FNDC1: variants seen among roughly 807,000 people sequenced by gnomAD.
FNDC1 encodes fibronectin type III domain containing 1, also known as fibronectin type III domain-containing protein 1.
A neutral mutation model predicts 168.0 loss-of-function variants in FNDC1; 96 were observed. That is an observed-to-expected ratio of 0.57 (90% CI 0.48 to 0.68). The LOEUF (loss-of-function observed/expected upper bound fraction) is 0.68. Ranked by LOEUF, FNDC1 falls within the 30% of genes least tolerant of loss-of-function variation. The pLI, the probability that FNDC1 is intolerant of heterozygous loss-of-function variation, is 0.00. For synonymous variants in FNDC1, 1,099 were observed against 1,025.9 expected, an observed-to-expected ratio of 1.07 and a Z score of -1.36; for missense variants, 2,587 against 2,482.1, an observed-to-expected ratio of 1.04 and a Z score of -0.90.
At chr6:159,223,420 C>G in intron 6 of FNDC1, 108 bp from the exon 7 acceptor site, 1 of 594,730 alleles carries the variant, frequency 1.7e-6, no homozygotes, top group Middle Eastern at 2.7e-4. Flanking sequence ...TACACACAAG[C>G]AATCTAAAAC....
intron 5 of FNDC1, among the ~76,000 whole-genome samples, chr6:159,219,502 G>T (rs1562641883): frequency 6.6e-6 from 1 of 152,078 alleles, no homozygotes; most frequent in Non-Finnish European, 1.5e-5. Flanking sequence ...TGAGAGCCAG[G>T]CTTTGGTGCC....
intron 1 of FNDC1, among the ~76,000 whole-genome samples, chr6:159,182,456 G>A (rs1781900858): frequency 6.6e-6 from 1 of 152,164 alleles, no homozygotes; most frequent in Non-Finnish European, 1.5e-5. Flanking sequence ...AAAATCTCTA[G>A]TAAAAGCGCT....
In FNDC1 at chr6:159,202,629, A is replaced by G. The variant is rs183021261; in HGVS notation, c.460+2048A>G. On this transcript the variant is annotated intron_variant, in intron 4 of 22. Transcript: ENST00000297267. Reference sequence around the variant, plus strand: ...GGAATATCCATTCTTTTAAGCTGCTAGAAACAATGGCTGCAGTTCTGATTC... The same window carrying G: ...GGAATATCCATTCTTTTAAGCTGCTGGAAACAATGGCTGCAGTTCTGATTC... 3.6e-3 allele frequency among the ~76,000 whole-genome samples: 550 copies of G among 152,360 alleles called. 5 individuals carry two copies. Among genetic ancestry groups the G allele is most frequent in the Admixed American group, 0.019 (297 of 15,300 alleles).
intron 1 of FNDC1, among the ~76,000 whole-genome samples, chr6:159,173,418 C>A (rs1297898336): frequency 1.3e-5 from 2 of 152,214 alleles, no homozygotes; most frequent in East Asian, 3.8e-4. Flanking sequence ...CGTGGTGAGA[C>A]CCTCTCTCCT....
intron 1 of FNDC1, among the ~76,000 whole-genome samples, chr6:159,182,592 C>T (rs539888532): frequency 8.5e-5 from 13 of 152,290 alleles, no homozygotes; most frequent in Non-Finnish European, 1.8e-4. Flanking sequence ...TGCCTGATAC[C>T]CTCACTCTTT....
intron 1 of FNDC1, among the ~76,000 whole-genome samples, chr6:159,177,690 G>C (rs1781793368): frequency 6.6e-6 from 1 of 152,170 alleles, no homozygotes; most frequent in South Asian, 2.1e-4. Context: ...AAATCCCCCT[G>C]CAGAGAAGGC....
intron 1 of FNDC1, among the ~76,000 whole-genome samples, chr6:159,182,036 A>G (rs1781890967): frequency 6.6e-6 from 1 of 152,198 alleles, no homozygotes; most frequent in Non-Finnish European, 1.5e-5. Flanking sequence ...TGTTTTGGCT[A>G]ATAATTCTCA....
chr6:159,265,173 A>T (rs996929547), intron 20 of FNDC1, among the ~76,000 whole-genome samples, 169 bp downstream of exon 20: 1 of 152,194 alleles, frequency 6.6e-6, no homozygotes, highest in Non-Finnish European at 1.5e-5. Flanking sequence ...ACTCTGTGGG[A>T]AAGAATGACC....
chr6:159,214,950 G>T lies in FNDC1; in HGVS notation c.466G>T (p.Glu156Ter). ...TGTGTCCTGCCCTCTTTAAGAAAAG[G>T]AAGTGCCCAACAAGCCCTTGCGTGT... is the stretch of plus-strand genomic sequence containing the variant. ...GPFNETVTEKEVPNKPLRVRV... is the reference protein window; with the variant it reads ...GPFNETVTEK The change falls in exon 5 of 23, where the codon GAA (glutamate) becomes TAA (stop). Residue 156 changes from glutamate to a stop codon, truncating the protein, a stop_gained. Coordinates refer to ENST00000297267, the MANE Select transcript of FNDC1 (RefSeq NM_032532.3). LOFTEE classifies it high-confidence loss of function. 6.2e-7 allele frequency: 1 copy of T among 1,613,772 alleles called. No homozygotes were observed. Among genetic ancestry groups the T allele is most frequent in the Non-Finnish European group, 8.5e-7 (1 of 1,179,798 alleles).
rs147207645 is a variant in FNDC1 at position 159,206,855 on chromosome 6, C to T, written c.460+6274C>T. ...CATGGGCTGTGGGGTGGCCTGCCCA[C>T]TACTCCCTCCCAAGGAAGTACTGCC... On this transcript the variant is annotated intron_variant, in intron 4 of 22. Coordinates refer to ENST00000297267, the MANE Select transcript of FNDC1 (RefSeq NM_032532.3). 2.8e-3 allele frequency among the ~76,000 whole-genome samples: 427 copies of T among 152,320 alleles called. 1 individual carries two copies. Among genetic ancestry groups the T allele is most frequent in the Non-Finnish European group, 4.1e-3 (281 of 68,034 alleles).
Position 159,232,281 on chromosome 6 carries a change from C to T in FNDC1, c.1769C>T (p.Ala590Val). ...ACTGCAGTGAGGGCCCGGATGCCAGCGCTGCCCCGAAGGGAAGGCGTAGAT... is the reference window on the plus strand; with the variant it reads ...ACTGCAGTGAGGGCCCGGATGCCAGTGCTGCCCCGAAGGGAAGGCGTAGAT... ...GRTAVRARMPALPRREGVDKP... is the reference protein window; with the variant it reads ...GRTAVRARMPVLPRREGVDKP... The change falls in exon 11 of 23, where the codon GCG (alanine) becomes GTG (valine). Residue 590 changes from alanine (A) to valine (V), a missense_variant. Transcript: ENST00000297267. The surrounding 1 kb of genome is among the most constrained non-coding windows in gnomAD (Gnocchi z 4.9). 1 of 1,610,568 alleles carries T rather than the reference C, an allele frequency of 6.2e-7. No homozygotes were observed. Among genetic ancestry groups the T allele is most frequent in the East Asian group, 2.2e-5 (1 of 44,694 alleles).
intron 11 of FNDC1, 94 bp downstream of exon 11, chr6:159,234,573 A>G (rs1783205145): frequency 8.9e-7 from 1 of 1,127,476 alleles, no homozygotes; most frequent in Non-Finnish European, 1.3e-6. Context: ...TTTAGCACCT[A>G]CTATGTCCAC....
chr6:159,214,862 C>A, intron 4 of FNDC1, 83 bp from the exon 5 acceptor site: 1 of 1,165,536 alleles, frequency 8.6e-7, no homozygotes, highest in Non-Finnish European at 1.3e-6. Flanking sequence ...TGTTGAGGCT[C>A]AGGGTCTGAA....
chr6:159,193,384 A>G (rs556404333), intron 1 of FNDC1, among the ~76,000 whole-genome samples: 4 of 152,234 alleles, frequency 2.6e-5, no homozygotes, highest in African/African-American at 4.8e-5. Flanking sequence ...TGAGCATTTC[A>G]TGGTCTTCAT....
In FNDC1 at chr6:159,174,492, C is replaced by T. The variant is rs369331536; in HGVS notation, c.109+4787C>T. The stretch of plus-strand genomic sequence containing the variant: ...GAGCCGAAGCCACCACCCGCAGGCC[C>T]TTCCGTGCAGCCCTAGTTGGACTTA... On this transcript the variant is annotated intron_variant, in intron 1 of 22. Coordinates refer to ENST00000297267, the MANE Select transcript of FNDC1 (RefSeq NM_032532.3). Among the ~76,000 whole-genome samples, 291 of 152,406 alleles carry T rather than the reference C, an allele frequency of 1.9e-3. 1 individual carries two copies. The highest frequency in any genetic ancestry group is 6.4e-3 in the African/African-American group (268 of 41,602).
At chr6:159,270,105 G>T (rs1361827356) in intron 22 of FNDC1, among the ~76,000 whole-genome samples, 2 of 152,156 alleles carry the variant, frequency 1.3e-5, no homozygotes, top group African/African-American at 4.8e-5. Flanking sequence ...TGGGAGGACT[G>T]CTTGAGCTGG....
At position 159,239,819 on chromosome 6, in the gene FNDC1, A is replaced by G; in HGVS notation, c.4483A>G (p.Thr1495Ala). 2 of 1,546,436 alleles carry G rather than the reference A, an allele frequency of 1.3e-6. No individual in the cohort carries two copies. Among genetic ancestry groups the G allele is most frequent in the Non-Finnish European group, 1.7e-6 (2 of 1,142,916 alleles). Residue 1495 changes from threonine (T) to alanine (A), a missense_variant, in exon 14 of 23, where the codon ACG (threonine) becomes GCG (alanine). Physicochemically the swap from Thr to Ala is moderately conservative, Grantham distance 58. Coordinates refer to ENST00000297267, the MANE Select transcript of FNDC1 (RefSeq NM_032532.3). ...TCCAACAACCACAGTCCGAACCACT[A>G]CGCGGACAACCACCACCACCACCCC... The part of the protein sequence containing the change: ...RRPTTTVRTT[T>A]RTTTTTTPTP...
chr6:159,234,134 A>T lies in FNDC1; in HGVS notation c.3622A>T (p.Thr1208Ser). 2 of 1,601,516 alleles carry T rather than the reference A, an allele frequency of 1.2e-6. No individual in the cohort carries two copies. Among genetic ancestry groups the T allele is most frequent in the Non-Finnish European group, 1.7e-6 (2 of 1,174,112 alleles). The change falls in exon 11 of 23, where the codon ACT (threonine) becomes TCT (serine). Residue 1208 changes from threonine (T) to serine (S), a missense_variant. Physicochemically the swap from Thr to Ser is moderately conservative, Grantham distance 58 (BLOSUM62 1). Coordinates refer to ENST00000297267, the MANE Select transcript of FNDC1 (RefSeq NM_032532.3). ...SSVPKWPSSS[T>S]PRGGKDADGS... ...TGTGCCAAAGTGGCCCTCTTCCTCC[A>T]CTCCCAGGGGCGGCAAAGACGCCGA... is the stretch of plus-strand genomic sequence containing the variant.
chr6:159,233,455 G>T lies in FNDC1; in HGVS notation c.2943G>T (p.Pro981=), dbSNP rs404435. ...ACCGCCACGCGTCCCCTGCTCGTCCGCCCGCAGCACGGTCACAGCAGCATC... is the reference window on the plus strand; with the variant it reads ...ACCGCCACGCGTCCCCTGCTCGTCCTCCCGCAGCACGGTCACAGCAGCATC... The part of the protein sequence containing the change: ...STDRHASPAR[P]PAARSQQHPS... The change falls in exon 11 of 23, where the codon CCG becomes CCT. Residue 981 remains proline, a synonymous_variant. Transcript: ENST00000297267. The surrounding 1 kb of genome is among the most constrained non-coding windows in gnomAD (Gnocchi z 4.6). 1,410,465 of 1,607,528 alleles carry T rather than the reference G, an allele frequency of 0.88. 621,238 individuals carry two copies. Among genetic ancestry groups the T allele is most frequent in the Middle Eastern group, 0.91 (5,495 of 6,058 alleles).
Sources: allele counts gnomAD v4.1 joint callset (sites outside exome capture counted in the v4.1 genomes callset), GRCh38; gene constraint gnomAD v4.1.1; non-coding constraint Gnocchi (gnomAD v3.1); transcripts MANE v1.5; gene names NCBI Gene and HGNC (gene_info 2026-07-23, HGNC 2026-07-21).